PTPRT: variants seen among roughly 807,000 people sequenced by gnomAD.
PTPRT encodes receptor-type tyrosine-protein phosphatase T.
PTPRT carries 56 observed loss-of-function variants against 176.8 expected under a neutral mutation model. The ratio of observed to expected loss-of-function variants is 0.32; its 90% confidence interval spans 0.26 to 0.40. PTPRT has a LOEUF of 0.40. PTPRT is among the 10% of genes least tolerant of loss of function. PTPRT has a pLI of 1.00. For missense variants in PTPRT, 1,540 were observed against 1,908.2 expected (o/e 0.81, Z 3.60); for synonymous variants, 783 against 739.0 (o/e 1.06, Z -0.96).
chr20:42,758,510 C>T (rs1033556436), intron 5 of PTPRT, among the ~76,000 whole-genome samples: 11 of 152,212 alleles, frequency 7.2e-5, no homozygotes, highest in Non-Finnish European at 1.3e-4. Flanking sequence ...CTACAGGCTC[C>T]AGGCTACAGG....
chr20:43,042,570 A>G (rs1314454720), intron 1 of PTPRT, among the ~76,000 whole-genome samples: 1 of 152,158 alleles, frequency 6.6e-6, no homozygotes, highest in Non-Finnish European at 1.5e-5. Flanking sequence ...AGAATCTTTC[A>G]CAAGCAGAGG....
At chr20:43,188,950 C>T (rs1020066302) in intron 1 of PTPRT, among the ~76,000 whole-genome samples, 1 of 152,166 alleles carries the variant, frequency 6.6e-6, no homozygotes, top group Non-Finnish European at 1.5e-5. Context: ...ATATGAGTTC[C>T]CCGAACTTTT....
chr20:42,899,519 G>A (rs1568669381), intron 1 of PTPRT, among the ~76,000 whole-genome samples: 1 of 152,220 alleles, frequency 6.6e-6, no homozygotes, highest in Non-Finnish European at 1.5e-5. Flanking sequence ...CCCTTCTTCA[G>A]TCATTCTCTA....
rs2058620274 is a variant in PTPRT, at chr20:42,373,969, G to T, written c.1561-21684C>A. Among the ~76,000 whole-genome samples, 3 of 152,224 alleles carry T rather than the reference G, an allele frequency of 2.0e-5. No individual in the cohort carries two copies. The South Asian group carries it at 6.2e-4, about 31-fold the overall frequency. On this transcript the variant is annotated intron_variant, in intron 9 of 30. Coordinates refer to ENST00000373187, the MANE Select transcript of PTPRT (RefSeq NM_007050.6). ...TGAGCTGAGGCCAGAGGGTGCTGGGGTGGGGTCTGTCACCCTGTTTGGGAA... is the reference window on the plus strand; with the variant it reads ...TGAGCTGAGGCCAGAGGGTGCTGGGTTGGGGTCTGTCACCCTGTTTGGGAA...
intron 7 of PTPRT, among the ~76,000 whole-genome samples, chr20:42,613,815 T>C (rs1230438621): frequency 2.6e-5 from 4 of 152,156 alleles, no homozygotes; most frequent in African/African-American, 7.2e-5. Context: ...CCTACCCACC[T>C]TGAATATTTC....
At chr20:42,667,243 T>C (rs2075332156) in intron 7 of PTPRT, among the ~76,000 whole-genome samples, 1 of 152,112 alleles carries the variant, frequency 6.6e-6, no homozygotes, top group Admixed American at 6.5e-5. Flanking sequence ...CAGTTAAGGG[T>C]TCCATTTTCA....
chr20:42,410,206 G>T (rs2059000495), intron 9 of PTPRT, among the ~76,000 whole-genome samples: 1 of 151,876 alleles, frequency 6.6e-6, no homozygotes. Context: ...AAATTCTGAG[G>T]TACTCAGAAG....
intron 1 of PTPRT, among the ~76,000 whole-genome samples, chr20:43,104,476 A>T (rs1455238522): frequency 6.6e-6 from 1 of 152,080 alleles, no homozygotes; most frequent in Non-Finnish European, 1.5e-5. Context: ...ACCAACTATG[A>T]CCCCAGGCAA....
At chr20:43,127,052 T>C (rs6016965) in intron 1 of PTPRT, among the ~76,000 whole-genome samples, 139,305 of 152,252 alleles carry the variant, frequency 0.91, 64,567 homozygotes, top group Non-Finnish European at 0.98. Flanking sequence ...ATTTGTGGGG[T>C]AGATTTACTT....
Position 42,106,769 on chromosome 20 carries a change from G to C in PTPRT, c.3390+17C>G, listed in dbSNP as rs777363729. The C allele has an allele frequency of 1.2e-6, 2 of 1,609,344 alleles. No homozygotes were observed. The highest frequency in any genetic ancestry group is 1.1e-5 in the South Asian group (1 of 90,310). On this transcript the variant is annotated intron_variant, in intron 24 of 30. Coordinates refer to ENST00000373187, the MANE Select transcript of PTPRT (RefSeq NM_007050.6). ...AGGGCTACAGGTGGCCAACTGTCTT[G>C]GCCCCCTAGGACTCACCTCTGTCTG...
At chr20:42,602,595 C>T (rs1218516733) in intron 7 of PTPRT, among the ~76,000 whole-genome samples, 1 of 152,120 alleles carries the variant, frequency 6.6e-6, no homozygotes, top group Non-Finnish European at 1.5e-5. Flanking sequence ...CTACAGGTCA[C>T]ATTATTAGGA....
At chr20:42,455,089 AATG>A (rs1409211306) in intron 8 of PTPRT, among the ~76,000 whole-genome samples, 1 of 152,244 alleles carries the variant, frequency 6.6e-6, no homozygotes, top group Non-Finnish European at 1.5e-5. Flanking sequence ...TGATGATGAT[AATG>A]ATAATTCCAA....
At chr20:42,932,195 C>T (rs1979899970) in intron 1 of PTPRT, among the ~76,000 whole-genome samples, 1 of 152,208 alleles carries the variant, frequency 6.6e-6, no homozygotes, top group Non-Finnish European at 1.5e-5. Flanking sequence ...GTGCCAAAGA[C>T]GTAGGTTAGA....
intron 7 of PTPRT, among the ~76,000 whole-genome samples, chr20:42,597,082 G>A (rs1469508379): frequency 6.6e-6 from 1 of 152,180 alleles, no homozygotes; most frequent in Non-Finnish European, 1.5e-5. Flanking sequence ...GTGTCAGCCA[G>A]GGCTTAGATC....
intron 1 of PTPRT, among the ~76,000 whole-genome samples, chr20:42,903,626 T>C (rs1306791779): frequency 6.6e-6 from 1 of 152,212 alleles, no homozygotes; most frequent in Non-Finnish European, 1.5e-5. Context: ...TTTGGCAATT[T>C]AGTCTGTAGT....
At chr20:42,249,384 A>C (rs950665007) in intron 13 of PTPRT, among the ~76,000 whole-genome samples, 1 of 152,196 alleles carries the variant, frequency 6.6e-6, no homozygotes, top group African/African-American at 2.4e-5. Flanking sequence ...AAAACACTTA[A>C]ATCTGATCAA....
rs140647031 is a variant in PTPRT at position 42,642,390 on chromosome 20, C to T, written c.1153+35476G>A. Among the ~76,000 whole-genome samples the T allele has an allele frequency of 2.8e-3, 428 of 152,266 alleles. 5 individuals are homozygous for T. Among genetic ancestry groups the T allele is most frequent in the African/African-American group, 9.9e-3 (410 of 41,538 alleles). On this transcript the variant is annotated intron_variant, in intron 7 of 30. Transcript: ENST00000373187. Reference sequence around the variant, plus strand: ...GGACGTTGACAGAGTTATGGACCTCCCTGAGTCTCAGTGACTTATTTGTTA... The same window carrying T: ...GGACGTTGACAGAGTTATGGACCTCTCTGAGTCTCAGTGACTTATTTGTTA...
At chr20:43,024,221 G>A (rs940957126) in intron 1 of PTPRT, among the ~76,000 whole-genome samples, 2 of 152,164 alleles carry the variant, frequency 1.3e-5, no homozygotes, top group Non-Finnish European at 2.9e-5. Context: ...CCACCTTATA[G>A]GGTTGTTGTG....
At position 42,077,245 on chromosome 20, in the gene PTPRT, T is replaced by C. The variant is rs1214348392; in HGVS notation, c.*3634A>G. 1 of 186,424 alleles carries C rather than the reference T, an allele frequency of 5.4e-6. No individual in the cohort carries two copies. Among genetic ancestry groups the C allele is most frequent in the African/African-American group, 2.3e-5 (1 of 42,688 alleles). 11.5% of individuals were successfully genotyped at this position (186,424 alleles called of 1,614,324 possible). ...CATTCCCACAAAGAGAGGCCTACTG[T>C]GGCCTTCTAGAGGCCCAAGGACCCC... On this transcript the variant is annotated 3_prime_UTR_variant, in exon 31 of 31. Coordinates refer to ENST00000373187, the MANE Select transcript of PTPRT (RefSeq NM_007050.6).
Sources: allele counts gnomAD v4.1 joint callset (sites outside exome capture counted in the v4.1 genomes callset), GRCh38; gene constraint gnomAD v4.1.1; transcripts MANE v1.5; gene names NCBI Gene and HGNC (gene_info 2026-07-23, HGNC 2026-07-21).